Variants in SLC4A4 observed in about 807,000 individuals in gnomAD.
SLC4A4 encodes electrogenic sodium bicarbonate cotransporter 1.
Under a neutral mutation model 111.5 loss-of-function variants are expected in SLC4A4, and 27 were observed. That is an observed-to-expected ratio of 0.24 (90% CI 0.18 to 0.33). SLC4A4 has a LOEUF of 0.33. Ranked by LOEUF, SLC4A4 falls within the 10% of genes least tolerant of loss-of-function variation. SLC4A4 has a pLI of 1.00. For missense variants in SLC4A4, 909 were observed against 1,315.5 expected (o/e 0.69, Z 4.78); for synonymous variants, 443 against 463.4 (o/e 0.96, Z 0.57).
chr4:71,371,144 C>T (rs901737902), intron 6 of SLC4A4, among the ~76,000 whole-genome samples: 1 of 151,548 alleles, frequency 6.6e-6, no homozygotes, highest in African/African-American at 2.4e-5. Flanking sequence ...TGTCTCTTCT[C>T]AATATAAACT....
chr4:71,099,743 G>A (rs560200232), intron 2 of SLC4A4, among the ~76,000 whole-genome samples: 17 of 152,064 alleles, frequency 1.1e-4, no homozygotes, highest in African/African-American at 3.9e-4. Context: ...AACACAATTA[G>A]AAATGACAAA....
At chr4:71,391,228 AT>A (rs375634252) in intron 6 of SLC4A4, among the ~76,000 whole-genome samples, 3 of 152,024 alleles carry the variant, frequency 2.0e-5, no homozygotes, top group Non-Finnish European at 2.9e-5. Flanking sequence ...TATCTTAGTT[AT>A]TTTTTGTGCT....
upstream of SLC4A4, among the ~76,000 whole-genome samples, chr4:71,184,455 C>T (rs1221121394): frequency 6.6e-6 from 1 of 152,084 alleles, no homozygotes; most frequent in African/African-American, 2.4e-5. Context: ...CCTATTAGGA[C>T]CTTGGATGAT....
chr4:71,086,984 C>T (rs897307315), intron 1 of SLC4A4, among the ~76,000 whole-genome samples: 10 of 151,994 alleles, frequency 6.6e-5, no homozygotes, highest in African/African-American at 2.4e-4. Flanking sequence ...GGAATGGTAC[C>T]AGCTCCTTCT....
intron 5 of SLC4A4, among the ~76,000 whole-genome samples, chr4:71,353,646 T>G (rs1384104069): frequency 6.6e-6 from 1 of 152,234 alleles, no homozygotes; most frequent in Non-Finnish European, 1.5e-5. Context: ...GGAGTTGTTT[T>G]GTCCCAAATC....
chr4:71,465,005 T>C (rs1185323282), intron 12 of SLC4A4, among the ~76,000 whole-genome samples: 3 of 152,010 alleles, frequency 2.0e-5, no homozygotes, highest in Non-Finnish European at 4.4e-5. Flanking sequence ...TTTGGGACAG[T>C]GGTAAGAGGT....
In SLC4A4 at chr4:71,534,344, C is replaced by A; in HGVS notation, c.2398C>A (p.Gln800Lys). ...CACTATACTGATTTTCATGGACCAA[C>A]AAATTACAGCTGTGATTGTAAACAG... ...LVTILIFMDQ[Q>K]ITAVIVNRKE... The change falls in exon 18 of 26, where the codon CAA becomes AAA. Residue 800 changes from glutamine (Q) to lysine (K), a missense_variant. Gln to Lys is a moderately conservative substitution (Grantham distance 53, BLOSUM62 1). Around this residue, in one of 7 missense-constraint regions of SLC4A4, gnomAD observed 264 missense variants for 356.8 expected, o/e 0.74. Transcript: ENST00000264485. 4 of 1,613,572 alleles carry A rather than the reference C, an allele frequency of 2.5e-6. No individual in the cohort carries two copies. The highest frequency in any genetic ancestry group is 3.4e-6 in the Non-Finnish European group (4 of 1,179,702).
chr4:71,366,102 A>G (rs1278519730), intron 6 of SLC4A4, among the ~76,000 whole-genome samples: 1 of 152,168 alleles, frequency 6.6e-6, no homozygotes, highest in Non-Finnish European at 1.5e-5. Flanking sequence ...GGAGATTTCT[A>G]GGCAACATGT....
intron 20 of SLC4A4, 98 bp from the exon 21 acceptor site, chr4:71,555,042 A>ATTTTAG: frequency 1.2e-6 from 1 of 852,576 alleles, no homozygotes; most frequent in South Asian, 1.3e-5. Context: ...TATATCCTAT[A>ATTTTAG]TTTTAGTTTT....
rs878867616 is a variant in SLC4A4, at chr4:71,255,418, T to C, written c.253+19T>C. On this transcript the variant is annotated intron_variant, in intron 3 of 25. Transcript: ENST00000264485. ...CCTCTCAGTGAGTACTCTCTGAGCG[T>C]TGGTGCCTCTCTCTGCCTCACTCCC... 11 of 1,611,694 alleles carry C rather than the reference T, an allele frequency of 6.8e-6. No individual in the cohort carries two copies. In the South Asian group the frequency reaches 1.1e-4, roughly 16 times the overall value.
At chr4:71,271,030 T>G (rs1722670093) in intron 3 of SLC4A4, among the ~76,000 whole-genome samples, 2 of 152,168 alleles carry the variant, frequency 1.3e-5, no homozygotes, top group South Asian at 4.1e-4. Flanking sequence ...GTAAGCATGG[T>G]GGCTGCTGTG....
chr4:71,477,952 G>A (rs1422234716), intron 14 of SLC4A4, among the ~76,000 whole-genome samples: 1 of 151,860 alleles, frequency 6.6e-6, no homozygotes, highest in Non-Finnish European at 1.5e-5. Context: ...TCAAAAAGTA[G>A]GCAAAGGATA....
intron 15 of SLC4A4, among the ~76,000 whole-genome samples, chr4:71,496,956 T>A (rs1232860298): frequency 6.6e-6 from 1 of 152,128 alleles, no homozygotes; most frequent in African/African-American, 2.4e-5. Flanking sequence ...ACCATCCATA[T>A]TTTTATACTT....
intron 2 of SLC4A4, among the ~76,000 whole-genome samples, chr4:71,113,985 C>T (rs1743174359): frequency 6.6e-6 from 1 of 152,192 alleles, no homozygotes. Flanking sequence ...CGGTGGCTCA[C>T]ACCTGTAATC....
At chr4:71,566,945 T>G in intron 24 of SLC4A4, 59 bp from the exon 25 acceptor site, 1 of 1,389,574 alleles carries the variant, frequency 7.2e-7, no homozygotes, top group Non-Finnish European at 1.0e-6. Flanking sequence ...GTGAAGATTT[T>G]TGTTTTATAC....
At chr4:71,215,005 T>C (rs111756534) in intron 1 of SLC4A4, among the ~76,000 whole-genome samples, 10 of 152,388 alleles carry the variant, frequency 6.6e-5, no homozygotes, top group African/African-American at 2.4e-4. Flanking sequence ...TTGTCTGAAT[T>C]ATCTGATCTC....
intron 3 of SLC4A4, among the ~76,000 whole-genome samples, chr4:71,277,604 CTCCTTCCTTCCT>C (rs111421338): frequency 7.0e-6 from 1 of 143,248 alleles, no homozygotes; most frequent in Admixed American, 7.1e-5. Flanking sequence ...TTCTCTCTCT[CTCCTTCCTTCCT>C]TCCTTCCTTC....
At chr4:71,411,671 G>A (rs545789178) in intron 7 of SLC4A4, among the ~76,000 whole-genome samples, 2 of 152,292 alleles carry the variant, frequency 1.3e-5, no homozygotes, top group South Asian at 4.1e-4. Context: ...CTGTATGTTT[G>A]CTCATAAAGC....
At chr4:71,321,401 C>T (rs1212607488) in intron 3 of SLC4A4, among the ~76,000 whole-genome samples, 1 of 151,956 alleles carries the variant, frequency 6.6e-6, no homozygotes, top group Non-Finnish European at 1.5e-5. Flanking sequence ...CATTCATATG[C>T]CATTTCTCAA....
Sources: allele counts gnomAD v4.1 joint callset (sites outside exome capture counted in the v4.1 genomes callset), GRCh38; gene constraint gnomAD v4.1.1; regional missense constraint gnomAD v4.1.1; transcripts MANE v1.5; gene names NCBI Gene and HGNC (gene_info 2026-07-23, HGNC 2026-07-21).